METTL15: variants seen among roughly 807,000 people sequenced by gnomAD.
METTL15 encodes the protein 12S rRNA N(4)-cytidine methyltransferase METTL15.
In METTL15, 34 loss-of-function variants were observed where a neutral mutation model predicts 38.3. The ratio of observed to expected loss-of-function variants is 0.89; its 90% CI spans 0.68 to 1.18. The LOEUF (loss-of-function observed/expected upper bound fraction) is 1.18. Ranked by LOEUF, METTL15 falls within the 50% of genes most tolerant of loss-of-function variation. The pLI, the probability that METTL15 is intolerant of heterozygous loss-of-function variation, is 0.00. For missense variants in METTL15, 438 were observed against 498.4 expected (o/e 0.88, Z 1.15); for synonymous variants, 162 against 170.9 (o/e 0.95, Z 0.41).
At chr11:28,118,637 T>A (rs980310232) in intron 3 of METTL15, among the ~76,000 whole-genome samples, 1 of 152,058 alleles carries the variant, frequency 6.6e-6, no homozygotes, top group African/African-American at 2.4e-5. Context: ...GTTTGGAGAG[T>A]ATAGGAAACC....
At chr11:28,145,486 C>G (rs1849849520) in intron 3 of METTL15, 1 of 151,928 alleles carries the variant, frequency 6.6e-6, no homozygotes, top group African/African-American at 2.4e-5. Context: ...ACTTTGATTT[C>G]TCTCACTGGA....
At chr11:28,223,087 ATCT>A (rs1218761560) in intron 4 of METTL15, among the ~76,000 whole-genome samples, 4 of 152,142 alleles carry the variant, frequency 2.6e-5, no homozygotes, top group Admixed American at 1.3e-4. Flanking sequence ...AAAACACATA[ATCT>A]TCTTAGAATC....
intron 3 of METTL15, among the ~76,000 whole-genome samples, chr11:28,203,673 C>CT (rs2133823759): frequency 6.6e-6 from 1 of 152,074 alleles, no homozygotes; most frequent in African/African-American, 2.4e-5. Flanking sequence ...TTGGAATAGT[C>CT]TGTTATGTCC....
intron 6 of METTL15, among the ~76,000 whole-genome samples, chr11:28,506,209 A>G (rs557405696): frequency 8.5e-5 from 13 of 152,260 alleles, no homozygotes; most frequent in African/African-American, 3.1e-4. Flanking sequence ...GGGAGGCCCC[A>G]TTGCTTTTGA....
intron 4 of METTL15, among the ~76,000 whole-genome samples, chr11:28,226,037 T>C (rs1853464082): frequency 6.6e-6 from 1 of 151,962 alleles, no homozygotes; most frequent in African/African-American, 2.4e-5. Flanking sequence ...TTTTCTTATA[T>C]AATATTTTCT....
chr11:28,334,511 T>G (rs145314678), downstream of METTL15, among the ~76,000 whole-genome samples: 1,908 of 152,146 alleles, frequency 0.013, 39 homozygotes, highest in African/African-American at 0.044. Flanking sequence ...TTTTGTGAGG[T>G]GCTTGATAAA....
intron 4 of METTL15, among the ~76,000 whole-genome samples, chr11:28,243,094 A>C (rs1183812241): frequency 6.6e-6 from 1 of 151,880 alleles, no homozygotes; most frequent in African/African-American, 2.4e-5. Flanking sequence ...AAAAAAAAAA[A>C]CAGTGTGGAA....
chr11:28,382,391 C>T (rs1010431686), intron 5 of METTL15, among the ~76,000 whole-genome samples: 2 of 152,030 alleles, frequency 1.3e-5, no homozygotes, highest in Non-Finnish European at 2.9e-5. Context: ...GTAGGTGAGG[C>T]GAGGCAGGTA....
chr11:28,157,134 C>T (rs944402597), intron 3 of METTL15, among the ~76,000 whole-genome samples: 1 of 152,150 alleles, frequency 6.6e-6, no homozygotes, highest in Non-Finnish European at 1.5e-5. Flanking sequence ...AGAGGTATTC[C>T]TTCTAAAGTG....
chr11:28,179,046 T>C (rs568208000), intron 3 of METTL15, among the ~76,000 whole-genome samples: 12 of 151,906 alleles, frequency 7.9e-5, no homozygotes, highest in Middle Eastern at 3.4e-3. Context: ...CAATTTATGA[T>C]AAAAGAAAAC....
At chr11:28,281,907 A>T (rs943566536) in intron 4 of METTL15, among the ~76,000 whole-genome samples, 5 of 152,170 alleles carry the variant, frequency 3.3e-5, no homozygotes, top group African/African-American at 4.8e-5. Flanking sequence ...GGGAAAGATT[A>T]CTCCACTGAA....
intron 6 of METTL15, among the ~76,000 whole-genome samples, chr11:28,520,089 T>C (rs899500347): frequency 7.2e-5 from 11 of 152,194 alleles, no homozygotes; most frequent in Non-Finnish European, 1.5e-5. Flanking sequence ...CCTGTAATCC[T>C]AGCACTTTGG....
intron 3 of METTL15, among the ~76,000 whole-genome samples, chr11:28,341,298 CAAAACTT>C (rs1361089917): frequency 2.6e-5 from 4 of 152,068 alleles, no homozygotes; most frequent in Non-Finnish European, 5.9e-5. Flanking sequence ...ACATGTATCT[CAAAACTT>C]AAAGTATAAT....
intron 4 of METTL15, among the ~76,000 whole-genome samples, chr11:28,222,499 C>A (rs931386317): frequency 5.3e-5 from 8 of 152,218 alleles, no homozygotes; most frequent in African/African-American, 1.7e-4. Context: ...CCTTGCACTT[C>A]TGGGGTGAGG....
chr11:28,302,488 C>A (rs537376017), intron 6 of METTL15, among the ~76,000 whole-genome samples: 1 of 152,044 alleles, frequency 6.6e-6, no homozygotes, highest in Admixed American at 6.6e-5. Flanking sequence ...AGGTCTTTCC[C>A]GTGCTGTTCT....
intron 5 of METTL15, among the ~76,000 whole-genome samples, chr11:28,368,128 C>CAAAAAAAAAAAAAAAAAAAAA (rs796151908): frequency 1.8e-4 from 6 of 32,528 alleles, no homozygotes; most frequent in Admixed American, 3.1e-4. Context: ...TTCTGCATAG[C>CAAAAAAAAAAAAAAAAAAAAA]AAAAAAAAAA....
intron 6 of METTL15, among the ~76,000 whole-genome samples, chr11:28,310,914 CTGG>C (rs1176508624): frequency 0.017 from 1,892 of 109,358 alleles, 36 homozygotes; most frequent in East Asian, 0.024. Context: ...GCTGCTGCTG[CTGG>C]TGGTGGTGGT....
At chr11:28,300,709 C>G (rs1856883987) in intron 6 of METTL15, among the ~76,000 whole-genome samples, 2 of 152,182 alleles carry the variant, frequency 1.3e-5, no homozygotes, top group South Asian at 4.1e-4. Context: ...TTCAGAACTA[C>G]TGGCCGTGAA....
intron 5 of METTL15, among the ~76,000 whole-genome samples, chr11:28,377,290 G>T (rs1312392234): frequency 6.6e-6 from 1 of 151,396 alleles, no homozygotes; most frequent in Non-Finnish European, 1.5e-5. Context: ...ATCACTTTCA[G>T]GTACACCAAT....
Sources: allele counts gnomAD v4.1 joint callset (sites outside exome capture counted in the v4.1 genomes callset), GRCh38; gene constraint gnomAD v4.1.1; transcripts MANE v1.5; gene names NCBI Gene and HGNC (gene_info 2026-07-23, HGNC 2026-07-21).